Variants in LYG1 observed in about 807,000 individuals in gnomAD.
The protein encoded by LYG1 is lysozyme g-like protein 1.
A neutral mutation model predicts 21.7 loss-of-function variants in LYG1; 17 were observed. The observed-to-expected ratio is 0.78, with a 90% CI of 0.54 to 1.18. The LOEUF (loss-of-function observed/expected upper bound fraction) is 1.18, where lower values mean the gene tolerates loss of function less well. Among genes scored for constraint, LYG1 ranks in the 50% most tolerant of loss-of-function variants. The probability of loss-of-function intolerance (pLI) is 0.00; values close to 1 mark genes in which losing one functional copy is unlikely to be tolerated. For missense variants in LYG1, 211 were observed against 238.1 expected (o/e 0.89, Z 0.75); for synonymous variants, 81 against 87.4 (o/e 0.93, Z 0.41).
At chr2:99,295,417 C>T (rs2094133499) in intron 3 of LYG1, among the ~76,000 whole-genome samples, 1 of 152,174 alleles carries the variant, frequency 6.6e-6, no homozygotes. Flanking sequence ...CTGTTTTAAG[C>T]CCACCTTGCA....
In LYG1 at chr2:99,287,705, G is replaced by C. The variant is rs141104806; in HGVS notation, c.334-2885C>G. 2.3e-4 allele frequency among the ~76,000 whole-genome samples: 35 copies of C among 152,118 alleles called. No individual in the cohort carries two copies. In the East Asian group the frequency reaches 6.6e-3, roughly 28 times the overall value. ...TAACCTAAGAGTTACTTAGTGTTGT[G>C]TATGTGTGTGTGTGTGCATGTATTT... On this transcript the variant is annotated intron_variant, in intron 5 of 6. Transcript: ENST00000308528.
chr2:99,291,422 C>G lies in LYG1; in HGVS notation c.149-1G>C. ...GCCAGCCTTTCAGAAGCACGAACTC[C>G]TAAACCAAACGCAAAAGGAATGATG... On this transcript the variant is annotated splice_acceptor_variant, in intron 4 of 6. Transcript: ENST00000308528. LOFTEE classifies it high-confidence loss of function. 6.2e-7 allele frequency: 1 copy of G among 1,613,910 alleles called. No individual in the cohort carries two copies. The highest frequency in any genetic ancestry group is 1.1e-5 in the South Asian group (1 of 90,994).
chr2:99,302,205 G>GA (rs1290047674), upstream of LYG1, among the ~76,000 whole-genome samples: 3 of 152,148 alleles, frequency 2.0e-5, no homozygotes, highest in Non-Finnish European at 4.4e-5. Context: ...AAAACACGTG[G>GA]AATCAATGGC....
At chr2:99,303,863 T>G (rs1463603989), upstream of LYG1, among the ~76,000 whole-genome samples, 3 of 150,546 alleles carry the variant, frequency 2.0e-5, no homozygotes, top group African/African-American at 7.3e-5. Flanking sequence ...TCTCAAGAGA[T>G]CTGATGATTT....
Position 99,298,565 on chromosome 2 carries a change from A to G in LYG1, c.-123-16T>C, listed in dbSNP as rs938939604. On this transcript the variant is annotated splice_polypyrimidine_tract_variant and intron_variant, in intron 1 of 6. Coordinates refer to ENST00000308528, the MANE Select transcript of LYG1 (RefSeq NM_174898.3). ...ATCAATTTTTCTAGAAAAGGTAGAA[A>G]CAGGTATCTTTGGTCTTATGGTTTT... The G allele has an allele frequency of 6.6e-6, 1 of 152,224 alleles. No individual in the cohort carries two copies. Among genetic ancestry groups the G allele is most frequent in the Non-Finnish European group, 1.5e-5 (1 of 68,050 alleles). The allele number at this position is 152,224 out of a possible 1,614,324, so 9.4% of individuals were successfully genotyped here.
intron 3 of LYG1, 69 bp downstream of exon 3, chr2:99,295,559 A>C (rs182032297): frequency 6.5e-7 from 1 of 1,537,456 alleles, no homozygotes; most frequent in Admixed American, 1.7e-5. Flanking sequence ...AAGTATTAGA[A>C]GTGCCATTGT....
chr2:99,301,956 C>T (rs1574893479), upstream of LYG1, among the ~76,000 whole-genome samples: 1 of 152,166 alleles, frequency 6.6e-6, no homozygotes, highest in African/African-American at 2.4e-5. Flanking sequence ...GATTCTTTCC[C>T]AAGTTGTGGA....
At chr2:99,301,503 A>G (rs2094154100), upstream of LYG1, among the ~76,000 whole-genome samples, 2 of 98,508 alleles carry the variant, frequency 2.0e-5, no homozygotes, top group Admixed American at 1.4e-4. Flanking sequence ...GGAAGAAGGA[A>G]GGAAGGAAGG....
chr2:99,292,620 A>T lies in LYG1; in HGVS notation c.64T>A (p.Trp22Arg). 6.2e-7 allele frequency: 1 copy of T among 1,614,010 alleles called. No homozygotes were observed. Residue 22 changes from tryptophan (W) to arginine (R), a missense_variant, in exon 4 of 7, where the codon TGG becomes AGG. Transcript: ENST00000308528. ...ALMDLSESSN[W>R]GCYGNIQSLD... ...CTTTGGATGTTTCCATAGCATCCCC[A>T]GTTGCTGCTTTCAGACAAGTCTACA... is the stretch of plus-strand genomic sequence containing the variant.
At chr2:99,299,656 C>T (rs184826650) in intron 1 of LYG1, among the ~76,000 whole-genome samples, 7 of 152,152 alleles carry the variant, frequency 4.6e-5, no homozygotes, top group African/African-American at 1.7e-4. Flanking sequence ...AACTCCAGGG[C>T]TCAAGCAATC....
chr2:99,284,943 A>G (rs1348154551), intron 5 of LYG1, 123 bp from the exon 6 acceptor site: 2 of 1,297,418 alleles, frequency 1.5e-6, no homozygotes, highest in Non-Finnish European at 2.1e-6. Context: ...TGATGGAACC[A>G]ATGCCACCGT....
At chr2:99,302,377 T>C (rs539807851), upstream of LYG1, among the ~76,000 whole-genome samples, 2 of 152,316 alleles carry the variant, frequency 1.3e-5, no homozygotes, top group African/African-American at 2.4e-5. Context: ...CCTGGCACAC[T>C]GTAAGTGTTC....
At chr2:99,295,531 C>CT (rs1559222698) in intron 3 of LYG1, 97 bp downstream of exon 3, 1 of 1,431,046 alleles carries the variant, frequency 7.0e-7, no homozygotes, top group Non-Finnish European at 9.9e-7. Context: ...AAAAAATAAT[C>CT]TTTTTTGTTG....
intron 3 of LYG1, among the ~76,000 whole-genome samples, chr2:99,295,371 T>C (rs899786483): frequency 7.2e-5 from 11 of 152,346 alleles, no homozygotes; most frequent in Middle Eastern, 6.8e-3. Flanking sequence ...GAGCAGCTAT[T>C]GATGGTGTAT....
In LYG1 at chr2:99,284,737, T is replaced by C. The variant is rs1408939384; in HGVS notation, c.417A>G (p.Lys139=). The C allele has an allele frequency of 9.3e-6, 15 of 1,614,056 alleles. No individual in the cohort carries two copies. The highest frequency in any genetic ancestry group is 1.3e-5 in the Non-Finnish European group (15 of 1,180,048). The part of the protein sequence containing the change: ...QTTEVLTTRI[K]EIQRRFPTWT... ...AGGTTGGAAACCTCCTCTGGATTTC[T>C]TTGATTCTAGTAGTCAGAACTTCAG... The change falls in exon 6 of 7, where the codon AAA becomes AAG. Residue 139 remains lysine (K), a synonymous_variant. Coordinates refer to ENST00000308528, the MANE Select transcript of LYG1 (RefSeq NM_174898.3).
chr2:99,287,531 G>GA (rs1206386865), intron 5 of LYG1, among the ~76,000 whole-genome samples: 1 of 151,920 alleles, frequency 6.6e-6, no homozygotes, highest in Non-Finnish European at 1.5e-5. Context: ...TTAAAGGTTG[G>GA]AAAAAAGGCT....
chr2:99,289,633 GCAGTGTGATGCCCTCCTTCAATGCTGC>G (rs1269096100), intron 5 of LYG1, among the ~76,000 whole-genome samples: 1 of 151,998 alleles, frequency 6.6e-6, no homozygotes, highest in East Asian at 1.9e-4. Flanking sequence ...AGTGTAGGTA[GCAGTGTGATGCCCTCCTTCAATGCTGC>G]CAGTGCAAAC....
intron 3 of LYG1, among the ~76,000 whole-genome samples, chr2:99,293,838 G>A (rs1339095415): frequency 6.6e-6 from 1 of 152,098 alleles, no homozygotes. Flanking sequence ...ACCTACAGTA[G>A]GCAGGAAATT....
intron 5 of LYG1, among the ~76,000 whole-genome samples, chr2:99,290,647 G>C (rs1021978269): frequency 3.9e-5 from 6 of 152,200 alleles, no homozygotes; most frequent in African/African-American, 7.2e-5. Flanking sequence ...CCCTGGCGCA[G>C]AGTTAATTCA....
Sources: gnomAD v4.1 joint callset for allele counts (sites outside exome capture counted in the v4.1 genomes callset) on GRCh38, gnomAD v4.1.1 for gene constraint, MANE v1.5 for transcripts, NCBI Gene and HGNC (gene_info 2026-07-23, HGNC 2026-07-21) for gene names.